The following SLC1A6 variants were observed in gnomAD, a reference collection of about 807,000 sequenced individuals.
SLC1A6 encodes excitatory amino acid transporter 4.
A neutral mutation model predicts 42.1 loss-of-function variants in SLC1A6; 15 were observed. That is an observed-to-expected ratio of 0.36 (90% CI 0.24 to 0.55). The LOEUF is 0.55. Among genes scored for constraint, SLC1A6 ranks in the 20% least tolerant of loss-of-function variants. The probability of loss-of-function intolerance (pLI) is 0.88; values close to 1 mark genes in which losing one functional copy is unlikely to be tolerated. For synonymous variants in SLC1A6, 317 were observed against 319.7 expected, an observed-to-expected ratio of 0.99 and a Z score of 0.09; for missense variants, 542 against 772.5, an observed-to-expected ratio of 0.70 and a Z score of 3.54.
At chr19:14,993,731 T>C (rs2045831863) in intron 1 of SLC1A6, among the ~76,000 whole-genome samples, 1 of 152,240 alleles carries the variant, frequency 6.6e-6, no homozygotes, top group Non-Finnish European at 1.5e-5. Context: ...AGGAAGGTTG[T>C]CTGCTGTCTG....
At chr19:15,003,704 G>C (rs2045883291) in intron 1 of SLC1A6, among the ~76,000 whole-genome samples, 1 of 150,022 alleles carries the variant, frequency 6.7e-6, no homozygotes. Context: ...AAGGCTAGAA[G>C]TTTTAGAAGG....
intron 5 of SLC1A6, among the ~76,000 whole-genome samples, chr19:14,963,776 C>G (rs2145184326): frequency 6.6e-6 from 1 of 151,954 alleles, no homozygotes; most frequent in Non-Finnish European, 1.5e-5. Flanking sequence ...AATCTCTACA[C>G]CAGCCTTGTT....
At chr19:14,997,516 T>C (rs191084744) in intron 1 of SLC1A6, among the ~76,000 whole-genome samples, 85 of 152,200 alleles carry the variant, frequency 5.6e-4, no homozygotes, top group African/African-American at 1.9e-3. Context: ...AATGGCAGCA[T>C]TGGGGCAGAT....
chr19:14,976,765 A>C (rs959145856), intron 1 of SLC1A6: 1 of 151,928 alleles, frequency 6.6e-6, no homozygotes, highest in African/African-American at 2.4e-5. Context: ...CAGTACCTGA[A>C]TTCAACCAGG....
chr19:14,998,740 G>A (rs2045858812), intron 1 of SLC1A6, among the ~76,000 whole-genome samples: 1 of 151,944 alleles, frequency 6.6e-6, no homozygotes, highest in Non-Finnish European at 1.5e-5. Context: ...CTGCAAAGCT[G>A]TCTCTTGTGA....
At chr19:15,001,293 T>C (rs561462639) in intron 1 of SLC1A6, among the ~76,000 whole-genome samples, 29 of 152,264 alleles carry the variant, frequency 1.9e-4, no homozygotes, top group African/African-American at 6.5e-4. Flanking sequence ...GGAGGAGGGA[T>C]GGCGTATAGC....
At position 14,950,082 on chromosome 19, in the gene SLC1A6, A is replaced by C; in HGVS notation, c.*113T>G. 1 of 650,736 alleles carries C rather than the reference A, an allele frequency of 1.5e-6. No homozygotes were observed. The highest frequency in any genetic ancestry group is 4.3e-4 in the Middle Eastern group (1 of 2,308). The allele number at this position is 650,736 out of a possible 1,614,324, so 40.3% of individuals were successfully genotyped here. A position where few individuals can be genotyped will look rare whatever the true frequency, so the allele number is the denominator to read the frequency against. Reference sequence around the variant, plus strand: ...TTCACTTTTCCCTCCCCCCTAAATGAGTCAAGCAGAACGTGTGTTCAGCCC... The same window carrying C: ...TTCACTTTTCCCTCCCCCCTAAATGCGTCAAGCAGAACGTGTGTTCAGCCC... On this transcript the variant is annotated 3_prime_UTR_variant, in exon 10 of 10. Coordinates refer to ENST00000594383, the MANE Select transcript of SLC1A6 (RefSeq NM_005071.3).
intron 8 of SLC1A6, 126 bp downstream of exon 8, chr19:14,954,009 G>T: frequency 5.0e-6 from 4 of 808,004 alleles, no homozygotes; most frequent in Non-Finnish European, 5.8e-6. Context: ...CCCACATCCC[G>T]CTTCCAACAT....
Position 14,972,772 on chromosome 19 carries a change from C to T in SLC1A6, c.139G>A (p.Glu47Lys). The change falls in exon 2 of 10, where the codon GAG becomes AAG. Residue 47 changes from glutamate to lysine, a missense_variant. This residue lies in a region of SLC1A6 where 88 missense variants were observed against 85.5 expected (regional missense o/e 1.03). Coordinates refer to ENST00000594383, the MANE Select transcript of SLC1A6 (RefSeq NM_005071.3). ...CGGCGCAGGAAGCGCAGCACGTGCT[C>T]GAGGGTCATGGTCTGCAGGCGCAGG... ...TRLRLQTMTL[E>K]HVLRFLRRNA... 1 of 1,613,924 alleles carries T rather than the reference C, an allele frequency of 6.2e-7. No homozygotes were observed. The highest frequency in any genetic ancestry group is 1.3e-5 in the African/African-American group (1 of 75,062).
chr19:14,968,615 A>G, intron 3 of SLC1A6, 108 bp from the exon 4 acceptor site: 1 of 947,220 alleles, frequency 1.1e-6, no homozygotes, highest in Non-Finnish European at 1.6e-6. Context: ...CCGACCCACC[A>G]AGCATCCCTT....
intron 2 of SLC1A6, 75 bp downstream of exon 2, chr19:14,972,631 T>C (rs2045654629): frequency 1.6e-6 from 2 of 1,239,548 alleles, no homozygotes; most frequent in South Asian, 1.3e-5. Context: ...AGCAAAGAGA[T>C]GTGTAGAGGC....
At chr19:14,996,949 G>A (rs2045850310) in intron 1 of SLC1A6, among the ~76,000 whole-genome samples, 1 of 152,046 alleles carries the variant, frequency 6.6e-6, no homozygotes, top group Non-Finnish European at 1.5e-5. Flanking sequence ...AGGATCTGGT[G>A]GGGTGTGAAA....
chr19:14,956,823 A>G, intron 6 of SLC1A6, 114 bp from the exon 7 acceptor site: 1 of 643,926 alleles, frequency 1.6e-6, no homozygotes, highest in Non-Finnish European at 2.7e-6. Flanking sequence ...CACAATACCC[A>G]TGATACGGCA....
At chr19:14,993,121 T>C (rs575747666) in intron 1 of SLC1A6, among the ~76,000 whole-genome samples, 36 of 152,202 alleles carry the variant, frequency 2.4e-4, no homozygotes, top group African/African-American at 8.2e-4. Flanking sequence ...GCGAATTGTC[T>C]AAAAGTAGAA....
chr19:14,998,063 A>G (rs987042486), intron 1 of SLC1A6, among the ~76,000 whole-genome samples: 5 of 152,102 alleles, frequency 3.3e-5, no homozygotes, highest in Admixed American at 3.3e-4. Flanking sequence ...TAACATATGC[A>G]TGTAAACTAA....
At chr19:14,999,966 G>C (rs1376966663) in intron 1 of SLC1A6, among the ~76,000 whole-genome samples, 1 of 151,862 alleles carries the variant, frequency 6.6e-6, no homozygotes, top group African/African-American at 2.4e-5. Context: ...TTTAACATTA[G>C]GTATGTCTCC....
chr19:14,959,861 C>T (rs571696641), intron 6 of SLC1A6, among the ~76,000 whole-genome samples: 4 of 152,316 alleles, frequency 2.6e-5, no homozygotes, highest in South Asian at 2.1e-4. Flanking sequence ...GCATTCACTG[C>T]GTACCCCTCT....
chr19:14,989,162 C>A (rs527965845), intron 1 of SLC1A6, among the ~76,000 whole-genome samples: 2 of 152,132 alleles, frequency 1.3e-5, no homozygotes, highest in Non-Finnish European at 2.9e-5. Context: ...CTGTTAGGTA[C>A]AATACACATT....
intron 1 of SLC1A6, among the ~76,000 whole-genome samples, chr19:15,008,260 G>A (rs775955358): frequency 6.6e-5 from 10 of 151,936 alleles, no homozygotes; most frequent in Non-Finnish European, 1.5e-4. Flanking sequence ...CAGAAGGATG[G>A]CTTGATATCA....
Sources: allele counts gnomAD v4.1 joint callset (sites outside exome capture counted in the v4.1 genomes callset), GRCh38; gene constraint gnomAD v4.1.1; regional missense constraint gnomAD v4.1.1; transcripts MANE v1.5; gene names NCBI Gene and HGNC (gene_info 2026-07-23, HGNC 2026-07-21).